Variants in TCF12 observed in about 807,000 individuals in gnomAD.
TCF12 encodes transcription factor 12.
In TCF12, 45 loss-of-function variants were observed where a neutral mutation model predicts 86.0. The ratio of observed to expected loss-of-function variants is 0.52; its 90% CI spans 0.41 to 0.67. The LOEUF (loss-of-function observed/expected upper bound fraction) is 0.67. Ranked by LOEUF, TCF12 falls within the 30% of genes least tolerant of loss-of-function variation. The probability of loss-of-function intolerance (pLI) is 0.00; values close to 1 mark genes in which losing one functional copy is unlikely to be tolerated. For missense variants in TCF12, 881 were observed against 859.9 expected (o/e 1.02, Z -0.31); for synonymous variants, 330 against 299.6 (o/e 1.10, Z -1.05).
intron 3 of TCF12, among the ~76,000 whole-genome samples, chr15:57,034,017 A>G (rs2066356970): frequency 6.6e-6 from 1 of 152,206 alleles, no homozygotes; most frequent in Admixed American, 6.5e-5. Flanking sequence ...TAAGTAATAT[A>G]CAGTTCAGTT....
intron 8 of TCF12, among the ~76,000 whole-genome samples, chr15:57,230,206 C>G (rs1170478093): frequency 6.6e-6 from 1 of 151,904 alleles, no homozygotes; most frequent in East Asian, 1.9e-4. Context: ...TCAGTCAACA[C>G]TTAAAATTTT....
At chr15:56,971,547 C>T (rs1362092224) in intron 3 of TCF12, among the ~76,000 whole-genome samples, 2 of 152,092 alleles carry the variant, frequency 1.3e-5, no homozygotes, top group African/African-American at 2.4e-5. Context: ...CTTTAGAATG[C>T]CCTGGGCTGA....
chr15:57,139,594 G>A (rs1411373765), intron 5 of TCF12, among the ~76,000 whole-genome samples: 2 of 151,736 alleles, frequency 1.3e-5, no homozygotes, highest in East Asian at 3.9e-4. Flanking sequence ...AGATCTTCCA[G>A]GTTCCTAGCC....
At chr15:57,065,512 TA>T (rs1381531562) in intron 4 of TCF12, among the ~76,000 whole-genome samples, 9 of 152,150 alleles carry the variant, frequency 5.9e-5, no homozygotes, top group African/African-American at 1.9e-4. Context: ...AATATTGGAT[TA>T]TTTTTTTCAG....
At chr15:57,194,767 C>G (rs1397818593) in intron 7 of TCF12, among the ~76,000 whole-genome samples, 1 of 152,132 alleles carries the variant, frequency 6.6e-6, no homozygotes, top group African/African-American at 2.4e-5. Context: ...ATGAAATACA[C>G]AAAAGGATGT....
At chr15:56,984,249 G>GGTGTGTGTGT (rs56221122) in intron 3 of TCF12, among the ~76,000 whole-genome samples, 2,075 of 123,000 alleles carry the variant, frequency 0.017, 38 homozygotes, top group Middle Eastern at 0.02. Flanking sequence ...GCATGTGCAT[G>GGTGTGTGTGT]GTGTGTGTGT....
At chr15:57,164,230 C>T (rs1176831932) in intron 5 of TCF12, among the ~76,000 whole-genome samples, 1 of 152,014 alleles carries the variant, frequency 6.6e-6, no homozygotes, top group African/African-American at 2.4e-5. Context: ...AAGAACTGGC[C>T]CATACTATTA....
At chr15:57,289,987 A>G (rs182173827), downstream of TCF12, 6 of 151,594 alleles carry the variant, frequency 4.0e-5, no homozygotes, top group South Asian at 2.1e-4. Flanking sequence ...ATTTCTTTTC[A>G]GTGCCCTCCC....
chr15:56,943,064 T>C (rs1021737893), intron 3 of TCF12, among the ~76,000 whole-genome samples: 4 of 152,248 alleles, frequency 2.6e-5, no homozygotes, highest in African/African-American at 7.2e-5. Flanking sequence ...CTATACCTTA[T>C]TCCCACTCCT....
chr15:57,096,796 A>C (rs1448166534), intron 5 of TCF12, among the ~76,000 whole-genome samples: 2 of 152,196 alleles, frequency 1.3e-5, no homozygotes, highest in Non-Finnish European at 2.9e-5. Flanking sequence ...CAGACTGTAT[A>C]TATTGTTGTA....
At chr15:57,130,376 A>T (rs565484339) in intron 5 of TCF12, among the ~76,000 whole-genome samples, 1 of 152,148 alleles carries the variant, frequency 6.6e-6, no homozygotes, top group African/African-American at 2.4e-5. Context: ...GAGAGGCAGC[A>T]TCTGTAAATT....
Position 57,054,561 on chromosome 15 carries a change from C to T in TCF12, c.149-9189C>T, listed in dbSNP as rs138166062. ...AGCTCACAGAGCAATGGGGTGTGTT[C>T]GCACTGAAAAGAGGAGTATCTGTTT... is the stretch of plus-strand genomic sequence containing the variant. On this transcript the variant is annotated intron_variant, in intron 3 of 20. Transcript: ENST00000333725. Among the ~76,000 whole-genome samples the T allele has an allele frequency of 6.3e-3, 963 of 152,198 alleles. 8 individuals carry two copies. Among genetic ancestry groups the T allele is most frequent in the Middle Eastern group, 0.017 (5 of 294 alleles).
At chr15:57,197,864 C>G in intron 8 of TCF12, 39 bp downstream of exon 8, 1 of 1,600,302 alleles carries the variant, frequency 6.2e-7, no homozygotes. Flanking sequence ...GGTAAACAAA[C>G]TGATTTCAAG....
At position 57,194,957 on chromosome 15, in the gene TCF12, C is replaced by T. The variant is rs577191399; in HGVS notation, c.526+2664C>T. On this transcript the variant is annotated intron_variant, in intron 7 of 20. Coordinates refer to ENST00000333725, the MANE Select transcript of TCF12 (RefSeq NM_207037.2). ...CACTCTTGTCCCCCAGGCTGGAGTACAATGGCATGATCTCGGCTCACTGCA... is the reference window on the plus strand; with the variant it reads ...CACTCTTGTCCCCCAGGCTGGAGTATAATGGCATGATCTCGGCTCACTGCA... Among the ~76,000 whole-genome samples the T allele has an allele frequency of 2.0e-5, 3 of 152,234 alleles. No individual in the cohort carries two copies. In the East Asian group the frequency reaches 5.8e-4, roughly 29 times the overall value.
chr15:57,051,735 C>T (rs184835118), intron 3 of TCF12, among the ~76,000 whole-genome samples: 11 of 152,254 alleles, frequency 7.2e-5, no homozygotes, highest in African/African-American at 2.4e-4. Flanking sequence ...TTGGATCTTA[C>T]CCAGAGAGTC....
chr15:57,143,481 C>CA (rs1413655065), intron 5 of TCF12, among the ~76,000 whole-genome samples: 15 of 151,970 alleles, frequency 9.9e-5, no homozygotes, highest in African/African-American at 3.6e-4. Flanking sequence ...GAAACAGCAA[C>CA]AAAAAAGGAT....
chr15:57,079,041 C>T (rs1348535314), intron 4 of TCF12, among the ~76,000 whole-genome samples: 4 of 152,226 alleles, frequency 2.6e-5, no homozygotes, highest in Non-Finnish European at 4.4e-5. Flanking sequence ...ATTATATTTT[C>T]GTAAGTATGT....
intron 3 of TCF12, among the ~76,000 whole-genome samples, chr15:57,043,358 G>A (rs1441383681): frequency 1.3e-5 from 2 of 152,076 alleles, no homozygotes; most frequent in African/African-American, 2.4e-5. Context: ...TTAAGGACCT[G>A]CCATACTATT....
chr15:56,961,258 T>C (rs1484970421), intron 3 of TCF12, among the ~76,000 whole-genome samples: 2 of 152,160 alleles, frequency 1.3e-5, no homozygotes, highest in African/African-American at 4.8e-5. Context: ...ATCTGATAGA[T>C]GAGAGAAAAC....
Sources: gnomAD v4.1 joint callset for allele counts (sites outside exome capture counted in the v4.1 genomes callset) on GRCh38, gnomAD v4.1.1 for gene constraint, MANE v1.5 for transcripts, NCBI Gene and HGNC (gene_info 2026-07-23, HGNC 2026-07-21) for gene names.